Variants in PRKCG observed in about 807,000 individuals in gnomAD.
PRKCG encodes the protein protein kinase C gamma, also known as protein kinase C gamma type.
A neutral mutation model predicts 82.0 loss-of-function variants in PRKCG; 28 were observed. The ratio of observed to expected loss-of-function variants is 0.34; its 90% CI spans 0.25 to 0.47. The LOEUF is 0.47. Ranked by LOEUF, PRKCG falls within the 20% of genes least tolerant of loss-of-function variation. The pLI is 1.00. For missense variants in PRKCG, 640 were observed against 952.7 expected, an observed-to-expected ratio of 0.67 and a Z score of 4.32; for synonymous variants, 383 against 376.6, an observed-to-expected ratio of 1.02 and a Z score of -0.20.
chr19:53,884,276 G>A lies in PRKCG; in HGVS notation c.285+33G>A. The A allele has an allele frequency of 1.2e-6, 2 of 1,603,496 alleles. No homozygotes were observed. The highest frequency in any genetic ancestry group is 1.7e-6 in the Non-Finnish European group (2 of 1,171,346). ...CTCGGACACCTGGTTCTCCTCCTCG[G>A]GCCGTGCCCCCGCCCTCACCCCCTC... On this transcript the variant is annotated intron_variant, in intron 3 of 17. Transcript: ENST00000263431. The surrounding 1 kb of genome is among the most constrained non-coding windows in gnomAD (Gnocchi z 4.6).
chr19:53,891,277 T>G (rs1285195169), intron 5 of PRKCG, among the ~76,000 whole-genome samples: 1 of 148,416 alleles, frequency 6.7e-6, no homozygotes, highest in Admixed American at 6.7e-5. Context: ...AGCTTGGAAT[T>G]CTTTTTTTTT....
intron 3 of PRKCG, among the ~76,000 whole-genome samples, chr19:53,887,323 C>T (rs2068638188): frequency 6.6e-6 from 1 of 151,736 alleles, no homozygotes; most frequent in Non-Finnish European, 1.5e-5. Context: ...CATGGAGAAG[C>T]CACGTGTCTA....
In PRKCG at chr19:53,900,441, A is replaced by G; in HGVS notation, c.1396A>G (p.Ile466Val). ...HAAFYAAEIAIGLFFLHNQGI... is the reference protein window; with the variant it reads ...HAAFYAAEIAVGLFFLHNQGI... Reference sequence around the variant, plus strand: ...CAGGTTCTACGCGGCAGAAATCGCTATCGGCCTCTTCTTCCTTCACAATCA... The same window carrying G: ...CAGGTTCTACGCGGCAGAAATCGCTGTCGGCCTCTTCTTCCTTCACAATCA... The change falls in exon 13 of 18, where the codon ATC becomes GTC. Residue 466 changes from isoleucine (I) to valine (V), a missense_variant. Around this residue, in one of 7 missense-constraint regions of PRKCG, gnomAD observed 78 missense variants for 105.6 expected, o/e 0.74. Transcript: ENST00000263431. This position sits in a 1 kb window ranked among gnomAD's most constrained non-coding sequence, Gnocchi z 4.2. 9 of 1,614,128 alleles carry G rather than the reference A, an allele frequency of 5.6e-6. No individual in the cohort carries two copies. Among genetic ancestry groups the G allele is most frequent in the Non-Finnish European group, 7.6e-6 (9 of 1,180,024 alleles).
intron 9 of PRKCG, among the ~76,000 whole-genome samples, chr19:53,895,279 G>A (rs1043328160): frequency 6.6e-6 from 1 of 152,020 alleles, no homozygotes; most frequent in African/African-American, 2.4e-5. Context: ...CCTGAGGTCA[G>A]GAGTTTGAGA....
At position 53,900,165 on chromosome 19, in the gene PRKCG, A is replaced by G; in HGVS notation, c.1282-68A>G. 1 of 1,422,196 alleles carries G rather than the reference A, an allele frequency of 7.0e-7. No individual in the cohort carries two copies. The allele number at this position is 1,422,196 out of a possible 1,614,324, so 88.1% of individuals were successfully genotyped here. A position where few individuals can be genotyped will look rare whatever the true frequency, so the allele number is the denominator to read the frequency against. ...GAACCTTCCACGTCTGTCCTGAGTG[A>G]TCAGGAAAGAAATTCTCCTACTCTG... On this transcript the variant is annotated intron_variant, in intron 11 of 17. Coordinates refer to ENST00000263431, the MANE Select transcript of PRKCG (RefSeq NM_002739.5). The surrounding 1 kb of genome is among the most constrained non-coding windows in gnomAD (Gnocchi z 4.2).
intron 17 of PRKCG, 77 bp from the exon 18 acceptor site, chr19:53,906,630 T>C: frequency 6.4e-7 from 1 of 1,567,520 alleles, no homozygotes; most frequent in Non-Finnish European, 8.8e-7. Context: ...AGACAGGAGA[T>C]GAGACTGGGG....
chr19:53,902,957 G>C lies in PRKCG; in HGVS notation c.1576-116G>C, dbSNP rs116558523. 3.2e-3 allele frequency: 2,369 copies of C among 750,748 alleles called. 40 individuals are homozygous for C. The African/African-American group carries it at 0.038, about 12-fold the overall frequency. The allele number at this position is 750,748 out of a possible 1,614,324, so 46.5% of individuals were successfully genotyped here. A position where few individuals can be genotyped will look rare whatever the true frequency, so the allele number is the denominator to read the frequency against. On this transcript the variant is annotated intron_variant, in intron 14 of 17. Transcript: ENST00000263431. ...CCTGATGAAATAAATATTCAGAGTGGGAAGAGCTTGTGCTGAAAGCACTTA... is the reference window on the plus strand; with the variant it reads ...CCTGATGAAATAAATATTCAGAGTGCGAAGAGCTTGTGCTGAAAGCACTTA...
Position 53,900,730 on chromosome 19 carries a change from C to T in PRKCG, c.1556C>T (p.Pro519Leu), listed in dbSNP as rs1462968827. ...ACAACCCGCACCTTCTGCGGGACCC[C>T]GGACTACATAGCCCCGGAGGTAACC... ...GTTTRTFCGT[P>L]DYIAPEIIAY... The change falls in exon 14 of 18, where the codon CCG (proline) becomes CTG (leucine). Residue 519 changes from proline (P) to leucine (L), a missense_variant. By Grantham distance (98) the Pro-to-Leu change is moderately conservative. Coordinates refer to ENST00000263431, the MANE Select transcript of PRKCG (RefSeq NM_002739.5). This position sits in a 1 kb window ranked among gnomAD's most constrained non-coding sequence, Gnocchi z 4.2. 4 of 1,614,198 alleles carry T rather than the reference C, an allele frequency of 2.5e-6. No individual in the cohort carries two copies. Among genetic ancestry groups the T allele is most frequent in the African/African-American group, 2.7e-5 (2 of 75,054 alleles).
Position 53,883,102 on chromosome 19 carries a change from G to C in PRKCG, c.171-61G>C, listed in dbSNP as rs929301935. The C allele has an allele frequency of 1.1e-4, 170 of 1,602,800 alleles. No individual in the cohort carries two copies. The African/African-American group carries it at 2.1e-3, about 20-fold the overall frequency. ...AGAGAGCGCAGGCCCCCTGTGGCTC[G>C]CAGAGGTTGGGGGTCCAGGTACCCC... On this transcript the variant is annotated intron_variant, in intron 1 of 17. Transcript: ENST00000263431. This position sits in a 1 kb window ranked among gnomAD's most constrained non-coding sequence, Gnocchi z 5.4.
chr19:53,903,209 G>A (rs1328227726), intron 15 of PRKCG, 56 bp downstream of exon 15: 1 of 1,401,066 alleles, frequency 7.1e-7, no homozygotes, highest in African/African-American at 1.4e-5. Flanking sequence ...AGGGGCACCT[G>A]GATCTCAGGA....
intron 3 of PRKCG, among the ~76,000 whole-genome samples, chr19:53,885,572 C>A (rs1415507645): frequency 6.6e-6 from 1 of 152,138 alleles, no homozygotes; most frequent in Non-Finnish European, 1.5e-5. Context: ...TTAGTGGCCA[C>A]CAAATGGGAC....
rs750133748 is a variant in PRKCG, at chr19:53,892,464, G to A, written c.687-45G>A. 20 of 1,594,980 alleles carry A rather than the reference G, an allele frequency of 1.3e-5. No homozygotes were observed. The East Asian group carries it at 4.5e-4, about 36-fold the overall frequency. ...CACCAAGGATGGGGAACCGAGGGGA[G>A]CCATGAGCTCGGCTCTGCACCCCAT... On this transcript the variant is annotated intron_variant, in intron 6 of 17. Coordinates refer to ENST00000263431, the MANE Select transcript of PRKCG (RefSeq NM_002739.5). This position sits in a 1 kb window ranked among gnomAD's most constrained non-coding sequence, Gnocchi z 5.9.
rs2068605415 is a variant in PRKCG at position 53,883,122 on chromosome 19, T to A, written c.171-41T>A. 5.0e-6 allele frequency: 8 copies of A among 1,611,818 alleles called. No individual in the cohort carries two copies. The highest frequency in any genetic ancestry group is 8.5e-7 in the Non-Finnish European group (1 of 1,178,168). On this transcript the variant is annotated intron_variant, in intron 1 of 17. Coordinates refer to ENST00000263431, the MANE Select transcript of PRKCG (RefSeq NM_002739.5). This position sits in a 1 kb window ranked among gnomAD's most constrained non-coding sequence, Gnocchi z 5.4. ...GGCTCGCAGAGGTTGGGGGTCCAGG[T>A]ACCCCTTTCTGCACTGACCTAGGAT... is the stretch of plus-strand genomic sequence containing the variant.
In PRKCG at chr19:53,900,229, G is replaced by T; in HGVS notation, c.1282-4G>T. 2 of 1,613,842 alleles carry T rather than the reference G, an allele frequency of 1.2e-6. No homozygotes were observed. The highest frequency in any genetic ancestry group is 1.7e-6 in the Non-Finnish European group (2 of 1,179,758). ...CGCCTCTAAGCCCATGCACTTCTCCGCAGGACCGCCTGTATTTCGTGATGG... is the reference window on the plus strand; with the variant it reads ...CGCCTCTAAGCCCATGCACTTCTCCTCAGGACCGCCTGTATTTCGTGATGG... On this transcript the variant is annotated splice_polypyrimidine_tract_variant and splice_region_variant and intron_variant, in intron 11 of 17. Transcript: ENST00000263431. This position sits in a 1 kb window ranked among gnomAD's most constrained non-coding sequence, Gnocchi z 4.2.
chr19:53,898,879 G>T (rs1342680515), intron 11 of PRKCG, among the ~76,000 whole-genome samples: 1 of 123,470 alleles, frequency 8.1e-6, no homozygotes, highest in African/African-American at 3.5e-5. Flanking sequence ...GGGTGGAGGG[G>T]CTCCTCGGGG....
intron 16 of PRKCG, among the ~76,000 whole-genome samples, chr19:53,906,075 CCTCCTCCTCCTTCTT>C (rs1453078110): frequency 1.3e-4 from 6 of 47,836 alleles, no homozygotes; most frequent in Non-Finnish European, 1.7e-4. Context: ...TCCTCCTCCT[CCTCCTCCTCCTTCTT>C]CTTCTTCTTC....
rs772049811 is a variant in PRKCG, at chr19:53,884,283, C to G, written c.285+40C>G. ...ACCTGGTTCTCCTCCTCGGGCCGTG[C>G]CCCCGCCCTCACCCCCTCGGCGTCC... On this transcript the variant is annotated intron_variant, in intron 3 of 17. Transcript: ENST00000263431. The surrounding 1 kb of genome is among the most constrained non-coding windows in gnomAD (Gnocchi z 4.6). 1 of 1,575,266 alleles carries G rather than the reference C, an allele frequency of 6.3e-7. No homozygotes were observed. Among genetic ancestry groups the G allele is most frequent in the Non-Finnish European group, 8.7e-7 (1 of 1,146,078 alleles).
chr19:53,884,486 T>A lies in PRKCG; in HGVS notation c.285+243T>A, dbSNP rs2068617787. 6.6e-6 allele frequency among the ~76,000 whole-genome samples: 1 copy of A among 151,508 alleles called. No homozygotes were observed. The highest frequency in any genetic ancestry group is 6.6e-5 in the Admixed American group (1 of 15,212). On this transcript the variant is annotated intron_variant, in intron 3 of 17. Transcript: ENST00000263431. The surrounding 1 kb of genome is among the most constrained non-coding windows in gnomAD (Gnocchi z 4.6). ...GAGGCCGGGGTGAGGAGACTGAAGA[T>A]GGGTGCTGCCGGGGGTGGGCTGTGA...
intron 5 of PRKCG, 105 bp from the exon 6 acceptor site, chr19:53,891,569 G>C: frequency 7.0e-7 from 1 of 1,431,764 alleles, no homozygotes; most frequent in Non-Finnish European, 9.8e-7. Context: ...GGCATGAGCC[G>C]CCGTGCCTGG....
Sources: allele counts gnomAD v4.1 joint callset (sites outside exome capture counted in the v4.1 genomes callset), GRCh38; gene constraint gnomAD v4.1.1; regional missense constraint gnomAD v4.1.1; non-coding constraint Gnocchi (gnomAD v3.1); transcripts MANE v1.5; gene names NCBI Gene and HGNC (gene_info 2026-07-23, HGNC 2026-07-21).